The following TTYH1 variants were observed in gnomAD, a reference collection of about 807,000 sequenced individuals.
TTYH1 encodes the protein tweety family member 1.
In TTYH1, 33 loss-of-function variants were observed where a neutral mutation model predicts 61.2. The observed-to-expected ratio is 0.54, with a 90% CI of 0.41 to 0.72. TTYH1 has a LOEUF of 0.72. TTYH1 is among the 30% of genes least tolerant of loss of function. The pLI is 0.00. For synonymous variants in TTYH1, 308 were observed against 266.4 expected, an observed-to-expected ratio of 1.16 and a Z score of -1.52; for missense variants, 538 against 575.8, an observed-to-expected ratio of 0.93 and a Z score of 0.67.
intron 10 of TTYH1, 114 bp from the exon 11 acceptor site, chr19:54,435,427 TG>T (rs2083524319): frequency 7.9e-7 from 1 of 1,260,396 alleles, no homozygotes. Flanking sequence ...AGGCACAGAG[TG>T]GTCAGTTGAC....
chr19:54,423,815 G>C (rs1342380416), intron 4 of TTYH1, among the ~76,000 whole-genome samples: 1 of 152,154 alleles, frequency 6.6e-6, no homozygotes, highest in Non-Finnish European at 1.5e-5. Context: ...ACCAGCAAGG[G>C]ACAAACGCAG....
chr19:54,435,961 T>G, intron 12 of TTYH1, 88 bp downstream of exon 12: 1 of 1,580,598 alleles, frequency 6.3e-7, no homozygotes, highest in Non-Finnish European at 8.7e-7. Context: ...CCTGGCCGCC[T>G]GGGTCTGAGG....
intron 4 of TTYH1, among the ~76,000 whole-genome samples, chr19:54,424,075 C>T (rs540534505): frequency 3.3e-5 from 5 of 151,902 alleles, no homozygotes; most frequent in African/African-American, 1.2e-4. Flanking sequence ...ACAGGAGAAT[C>T]GCTTGAACCC....
At chr19:54,424,182 T>C (rs554904968) in intron 4 of TTYH1, among the ~76,000 whole-genome samples, 1 of 149,376 alleles carries the variant, frequency 6.7e-6, no homozygotes, top group South Asian at 2.1e-4. Context: ...AAGAAAATTA[T>C]AGAGGGAGAT....
At position 54,416,003 on chromosome 19, in the gene TTYH1, A is replaced by G; in HGVS notation, c.126+325A>G. 7.5e-7 allele frequency: 1 copy of G among 1,334,926 alleles called. No homozygotes were observed. Among genetic ancestry groups the G allele is most frequent in the East Asian group, 4.5e-5 (1 of 22,128 alleles). The allele number at this position is 1,334,926 out of a possible 1,614,324, so 82.7% of individuals were successfully genotyped here. The stretch of plus-strand genomic sequence containing the variant: ...GCCTGGGAAGCCGGCCTCCAGGGTC[A>G]TCGGGAGGGTAGGTCTACTCTTCCT... On this transcript the variant is annotated intron_variant, in intron 1 of 13. Coordinates refer to ENST00000376530, the MANE Select transcript of TTYH1 (RefSeq NM_020659.4). This position sits in a 1 kb window ranked among gnomAD's most constrained non-coding sequence, Gnocchi z 7.0.
Position 54,421,286 on chromosome 19 carries a change from T to C in TTYH1, c.315T>C (p.Ile105=). 6.2e-7 allele frequency: 1 copy of C among 1,612,328 alleles called. No homozygotes were observed. The highest frequency in any genetic ancestry group is 8.5e-7 in the Non-Finnish European group (1 of 1,178,476). ...CTCCTCCTCCGCTCAGCACTGGCAT[T>C]GGCATCGGTTTCTATGGCAACAGTG... ...IVALLAGCTG[I]GIGFYGNSET... The change falls in exon 3 of 14, where the codon ATT becomes ATC. Residue 105 remains isoleucine, a synonymous_variant. Transcript: ENST00000376530. The surrounding 1 kb of genome is among the most constrained non-coding windows in gnomAD (Gnocchi z 4.8).
chr19:54,415,567 G>T lies in TTYH1; in HGVS notation c.15G>T (p.Pro5=), dbSNP rs1451708526. Residue 5 remains proline (P), a synonymous_variant, in exon 1 of 14, where the codon CCG becomes CCT. Transcript: ENST00000376530. The surrounding 1 kb of genome is among the most constrained non-coding windows in gnomAD (Gnocchi z 5.2). MGAP[P]GYRPSAWVHL... The stretch of plus-strand genomic sequence containing the variant: ...CCCCGGGGGCCATGGGGGCGCCCCC[G>T]GGCTACCGGCCCTCAGCTTGGGTGC... 2.0e-6 allele frequency: 3 copies of T among 1,485,712 alleles called. No homozygotes were observed. Among genetic ancestry groups the T allele is most frequent in the South Asian group, 2.6e-5 (2 of 77,806 alleles). The allele number at this position is 1,485,712 out of a possible 1,614,324, so 92.0% of individuals were successfully genotyped here.
chr19:54,421,396 G>T lies in TTYH1; in HGVS notation c.417+8G>T, dbSNP rs1446532015. On this transcript the variant is annotated splice_region_variant and intron_variant, in intron 3 of 13. Transcript: ENST00000376530. The surrounding 1 kb of genome is among the most constrained non-coding windows in gnomAD (Gnocchi z 4.8). The stretch of plus-strand genomic sequence containing the variant: ...AGCACCATTGACCACCTGGTGAGGG[G>T]CCAGCAACCAGTGGGACCCCAGACC... The T allele has an allele frequency of 6.3e-7, 1 of 1,599,952 alleles. No individual in the cohort carries two copies. The highest frequency in any genetic ancestry group is 8.6e-7 in the Non-Finnish European group (1 of 1,167,422).
chr19:54,431,366 G>A (rs977520942), intron 10 of TTYH1, 175 bp downstream of exon 10: 16 of 595,920 alleles, frequency 2.7e-5, no homozygotes, highest in Non-Finnish European at 3.9e-5. Context: ...ATAACCTGTC[G>A]TCTACCTACC....
Position 54,421,210 on chromosome 19 carries a change from G to T in TTYH1, c.306-67G>T. 3 of 1,004,884 alleles carry T rather than the reference G, an allele frequency of 3.0e-6. No individual in the cohort carries two copies. The highest frequency in any genetic ancestry group is 1.6e-6 in the Non-Finnish European group (1 of 635,030). 62.2% of individuals were successfully genotyped at this position (1,004,884 alleles called of 1,614,324 possible). A position where few individuals can be genotyped will look rare whatever the true frequency, so the allele number is the denominator to read the frequency against. Reference sequence around the variant, plus strand: ...GAAGGCGAGGTGGAGGGGATGGGGTGGGAGGGGACGGTGGCCCCCGGGGTC... The same window carrying T: ...GAAGGCGAGGTGGAGGGGATGGGGTTGGAGGGGACGGTGGCCCCCGGGGTC... On this transcript the variant is annotated intron_variant, in intron 2 of 13. Coordinates refer to ENST00000376530, the MANE Select transcript of TTYH1 (RefSeq NM_020659.4). This position sits in a 1 kb window ranked among gnomAD's most constrained non-coding sequence, Gnocchi z 4.8.
chr19:54,422,166 C>T, intron 3 of TTYH1, 24 bp from the exon 4 acceptor site: 1 of 1,533,916 alleles, frequency 6.5e-7, no homozygotes, highest in Non-Finnish European at 8.8e-7. Context: ...TCCTTCCAGA[C>T]CTCAGCCCCT....
chr19:54,425,304 C>T (rs558595123), intron 4 of TTYH1, among the ~76,000 whole-genome samples: 3 of 152,276 alleles, frequency 2.0e-5, no homozygotes, highest in East Asian at 3.9e-4. Flanking sequence ...GTAACAGACA[C>T]GGACCAGAAG....
Position 54,436,483 on chromosome 19 carries a change from T to C in TTYH1, c.*193T>C. The C allele has an allele frequency of 5.7e-6, 7 of 1,234,866 alleles. No homozygotes were observed. Among genetic ancestry groups the C allele is most frequent in the Non-Finnish European group, 8.3e-6 (7 of 847,758 alleles). 76.5% of individuals were successfully genotyped at this position (1,234,866 alleles called of 1,614,324 possible). A position where few individuals can be genotyped will look rare whatever the true frequency, so the allele number is the denominator to read the frequency against. Reference sequence around the variant, plus strand: ...TTCTGTCCTTGGCCTTGGGAGTAGCTGAGGGGGCAGACTAGGGAGTAGGGC... The same window carrying C: ...TTCTGTCCTTGGCCTTGGGAGTAGCCGAGGGGGCAGACTAGGGAGTAGGGC... On this transcript the variant is annotated 3_prime_UTR_variant, in exon 14 of 14. Transcript: ENST00000376530. The surrounding 1 kb of genome is among the most constrained non-coding windows in gnomAD (Gnocchi z 4.3).
Position 54,435,583 on chromosome 19 carries a change from G to A in TTYH1, c.1167G>A (p.Leu389=). The part of the protein sequence containing the change: ...AALRGLCEDA[L]EGLLFLLLFS... ...TGCGGGGCCTGTGCGAAGACGCCCT[G>A]GAAGGCCTGCTCTTCCTGCTACTCT... is the stretch of plus-strand genomic sequence containing the variant. Residue 389 remains leucine (L), a synonymous_variant, in exon 11 of 14, where the codon CTG becomes CTA. Transcript: ENST00000376530. The A allele has an allele frequency of 6.2e-7, 1 of 1,610,578 alleles. No individual in the cohort carries two copies. Among genetic ancestry groups the A allele is most frequent in the Non-Finnish European group, 8.5e-7 (1 of 1,179,572 alleles).
rs1484981689 is a variant in TTYH1 at position 54,435,461 on chromosome 19, G to A, written c.1126-81G>A. The A allele has an allele frequency of 1.1e-5, 16 of 1,491,938 alleles. No individual in the cohort carries two copies. In the African/African-American group the frequency reaches 1.9e-4, roughly 18 times the overall value. The allele number at this position is 1,491,938 out of a possible 1,614,324, so 92.4% of individuals were successfully genotyped here. A position where few individuals can be genotyped will look rare whatever the true frequency, so the allele number is the denominator to read the frequency against. On this transcript the variant is annotated intron_variant, in intron 10 of 13. Transcript: ENST00000376530. ...GACGTGTGCAGTACCACAGCCGGGAGGACGGTCAGACTGATGTGCACAGTG... is the reference window on the plus strand; with the variant it reads ...GACGTGTGCAGTACCACAGCCGGGAAGACGGTCAGACTGATGTGCACAGTG...
chr19:54,418,730 C>A, intron 1 of TTYH1: 1 of 161,418 alleles, frequency 6.2e-6, no homozygotes, highest in Non-Finnish European at 1.3e-5. Context: ...CACACCCCCA[C>A]CCGCCCCCTG....
chr19:54,430,491 C>A (rs1270116975), intron 7 of TTYH1, 59 bp from the exon 8 acceptor site: 7 of 1,584,692 alleles, frequency 4.4e-6, no homozygotes, highest in South Asian at 1.1e-5. Flanking sequence ...GGCCTTCCCC[C>A]GGGAGATCCC....
chr19:54,426,763 G>T lies in TTYH1; in HGVS notation c.729G>T (p.Val243=). 1 of 1,613,618 alleles carries T rather than the reference G, an allele frequency of 6.2e-7. No homozygotes were observed. Among genetic ancestry groups the T allele is most frequent in the Non-Finnish European group, 8.5e-7 (1 of 1,179,920 alleles). The part of the protein sequence containing the change: ...LGLAKQSKWL[V]IVMTVMSLLV... ...TGGCGAAGCAGAGCAAGTGGCTGGTGATCGTGTAAGTGCAGGCAGTAGGGG... is the reference window on the plus strand; with the variant it reads ...TGGCGAAGCAGAGCAAGTGGCTGGTTATCGTGTAAGTGCAGGCAGTAGGGG... Residue 243 remains valine (V), a synonymous_variant, in exon 5 of 14, where the codon GTG becomes GTT. Coordinates refer to ENST00000376530, the MANE Select transcript of TTYH1 (RefSeq NM_020659.4).
At chr19:54,424,663 GA>G (rs1456184382) in intron 4 of TTYH1, among the ~76,000 whole-genome samples, 1 of 152,208 alleles carries the variant, frequency 6.6e-6, no homozygotes, top group Non-Finnish European at 1.5e-5. Context: ...ACCATCACTA[GA>G]AAATATCTTC....
Sources: gnomAD v4.1 joint callset for allele counts (sites outside exome capture counted in the v4.1 genomes callset) on GRCh38, gnomAD v4.1.1 for gene constraint, Gnocchi (gnomAD v3.1) non-coding constraint, MANE v1.5 for transcripts, NCBI Gene and HGNC (gene_info 2026-07-23, HGNC 2026-07-21) for gene names.